USP32: variants seen among roughly 807,000 people sequenced by gnomAD.
The protein encoded by USP32 is ubiquitin carboxyl-terminal hydrolase 32.
In USP32, 59 loss-of-function variants were observed where a neutral mutation model predicts 204.8. The observed-to-expected ratio is 0.29, with a 90% CI of 0.23 to 0.36. USP32 has a LOEUF of 0.36. Ranked by LOEUF, USP32 falls within the 10% of genes least tolerant of loss-of-function variation. USP32 has a pLI of 1.00. For missense variants in USP32, 1,160 were observed against 1,946.4 expected, an observed-to-expected ratio of 0.60 and a Z score of 7.60; for synonymous variants, 517 against 678.4, an observed-to-expected ratio of 0.76 and a Z score of 3.70.
chr17:60,412,612 T>G (rs1330249184), intron 1 of USP32, among the ~76,000 whole-genome samples: 1 of 152,074 alleles, frequency 6.6e-6, no homozygotes, highest in African/African-American at 2.4e-5. Context: ...AAGGTGATTT[T>G]TCTGTCTGAA....
At chr17:60,405,034 C>T (rs1221259604) in intron 1 of USP32, among the ~76,000 whole-genome samples, 3 of 151,914 alleles carry the variant, frequency 2.0e-5, no homozygotes. Flanking sequence ...AAAAATTAGC[C>T]GGTATGGTGC....
intron 26 of USP32, among the ~76,000 whole-genome samples, chr17:60,203,188 G>A (rs2084724600): frequency 6.7e-6 from 1 of 150,332 alleles, no homozygotes; most frequent in Non-Finnish European, 1.5e-5. Flanking sequence ...GGCAGATCAC[G>A]AGGTCAGATC....
chr17:60,335,331 C>A (rs919536683), intron 2 of USP32, among the ~76,000 whole-genome samples: 9 of 142,222 alleles, frequency 6.3e-5, no homozygotes, highest in Non-Finnish European at 1.2e-4. Context: ...TTTCTTCATC[C>A]AAACACCCAC....
chr17:60,269,420 C>CAATTTTTTG (rs1567816752), intron 7 of USP32, 30 bp downstream of exon 7: 1 of 1,563,404 alleles, frequency 6.4e-7, no homozygotes, highest in South Asian at 1.2e-5. Context: ...ACATAGTTTG[C>CAATTTTTTG]AATTTTTTGA....
At chr17:60,255,103 A>G in intron 10 of USP32, 72 bp downstream of exon 10, 1 of 1,093,666 alleles carries the variant, frequency 9.1e-7, no homozygotes. Context: ...AACTCTGGCT[A>G]CTATATGATG....
intron 1 of USP32, among the ~76,000 whole-genome samples, chr17:60,349,628 ATATATATATATATATT>A (rs2088895507): frequency 9.9e-6 from 1 of 100,850 alleles, no homozygotes; most frequent in African/African-American, 6.2e-5. Context: ...TATATATTAT[ATATATATATATATATT>A]ATATATATAC....
At chr17:60,184,715 C>G (rs902509672) in intron 30 of USP32, among the ~76,000 whole-genome samples, 17 of 146,306 alleles carry the variant, frequency 1.2e-4, no homozygotes, top group Admixed American at 8.6e-4. Flanking sequence ...GAGACTGAGG[C>G]AAGAGAATCA....
intron 11 of USP32, among the ~76,000 whole-genome samples, chr17:60,252,048 CTT>C (rs2086183208): frequency 6.6e-6 from 1 of 151,860 alleles, no homozygotes; most frequent in Non-Finnish European, 1.5e-5. Context: ...TCTATAAAAT[CTT>C]TCTCTGCTTC....
At chr17:60,339,183 T>C (rs1028141467) in intron 2 of USP32, among the ~76,000 whole-genome samples, 2 of 151,792 alleles carry the variant, frequency 1.3e-5, no homozygotes, top group African/African-American at 4.8e-5. Flanking sequence ...AGTGCTGGGA[T>C]TGCAGGCATG....
intron 16 of USP32, 107 bp from the exon 17 acceptor site, chr17:60,214,881 A>T (rs2085063122): frequency 1.3e-6 from 2 of 1,510,484 alleles, no homozygotes; most frequent in African/African-American, 2.8e-5. Flanking sequence ...GAGAAATGAG[A>T]ATTACAGGTG....
rs201223651 is a variant in USP32 at position 60,314,562 on chromosome 17, TG to T, written c.187-12859del. On this transcript the variant is annotated intron_variant, in intron 2 of 33. Coordinates refer to ENST00000300896, the MANE Select transcript of USP32 (RefSeq NM_032582.4). ...GAAGAAAAAGAGCTAGAACTGGGGGTGGGGGGAGGAAAGGAGAGAAAATAAT... is the reference window on the plus strand; with the variant it reads ...GAAGAAAAAGAGCTAGAACTGGGGGTGGGGGAGGAAAGGAGAGAAAATAAT... 9.9e-3 allele frequency among the ~76,000 whole-genome samples: 1,432 copies of T among 144,448 alleles called. 32 individuals carry two copies. The highest frequency in any genetic ancestry group is 0.036 in the African/African-American group (1,377 of 38,722). 94.8% of individuals were successfully genotyped at this position (144,448 alleles called of 152,430 possible).
At chr17:60,290,563 C>T (rs954485909) in intron 4 of USP32, among the ~76,000 whole-genome samples, 9 of 152,248 alleles carry the variant, frequency 5.9e-5, no homozygotes, top group Non-Finnish European at 1.3e-4. Flanking sequence ...AAATCAATAG[C>T]ATCCTTTAAT....
chr17:60,410,780 G>T (rs1404935590), intron 1 of USP32, among the ~76,000 whole-genome samples: 1 of 151,742 alleles, frequency 6.6e-6, no homozygotes, highest in African/African-American at 2.4e-5. Context: ...CATAACATAG[G>T]TTAGAAATAG....
At chr17:60,308,444 G>A (rs1476926159) in intron 2 of USP32, among the ~76,000 whole-genome samples, 1 of 152,148 alleles carries the variant, frequency 6.6e-6, no homozygotes, top group Non-Finnish European at 1.5e-5. Context: ...AGGGGGACAA[G>A]GGAACCTTTC....
At chr17:60,415,678 G>A (rs2090054835) in intron 1 of USP32, among the ~76,000 whole-genome samples, 1 of 152,128 alleles carries the variant, frequency 6.6e-6, no homozygotes, top group Non-Finnish European at 1.5e-5. Flanking sequence ...TTAGCTGGGA[G>A]GTGCTGGCAT....
chr17:60,239,910 A>G (rs2145654382), intron 11 of USP32, among the ~76,000 whole-genome samples: 1 of 151,878 alleles, frequency 6.6e-6, no homozygotes, highest in African/African-American at 2.4e-5. Flanking sequence ...ATTTTTGTAT[A>G]TTTTTTAGTA....
Position 60,294,744 on chromosome 17 carries a change from T to A in USP32, c.350A>T (p.Glu117Val). The change falls in exon 4 of 34, where the codon GAA becomes GTA. Residue 117 changes from glutamate to valine, a missense_variant. Transcript: ENST00000300896. ...SGNYVIREEM[E>V]RMLHVVDGKV... is the part of the protein sequence containing the mutation. ...ACCATCCACCACGTGGAGCATTCTT[T>A]CCATTTCTTCCCGTATAACATAGTT... is the stretch of plus-strand genomic sequence containing the variant. 6.2e-7 allele frequency: 1 copy of A among 1,613,188 alleles called. No individual in the cohort carries two copies. Among genetic ancestry groups the A allele is most frequent in the Non-Finnish European group, 8.5e-7 (1 of 1,179,472 alleles).
At chr17:60,379,286 T>C (rs1300994371) in intron 1 of USP32, among the ~76,000 whole-genome samples, 5 of 152,184 alleles carry the variant, frequency 3.3e-5, no homozygotes, top group African/African-American at 4.8e-5. Context: ...GTTTTTTAAC[T>C]AGTAGGAGAT....
intron 23 of USP32, 120 bp downstream of exon 23, chr17:60,208,534 T>C: frequency 7.4e-7 from 1 of 1,346,646 alleles, no homozygotes; most frequent in Non-Finnish European, 9.6e-7. Flanking sequence ...GGTTGCTCAA[T>C]TATAATATGC....
Sources: gnomAD v4.1 joint callset for allele counts (sites outside exome capture counted in the v4.1 genomes callset) on GRCh38, gnomAD v4.1.1 for gene constraint, MANE v1.5 for transcripts, NCBI Gene and HGNC (gene_info 2026-07-23, HGNC 2026-07-21) for gene names.